Variants in THSD7B observed in about 807,000 individuals in gnomAD.
THSD7B encodes the protein thrombospondin type 1 domain containing 7B.
In THSD7B, 138 loss-of-function variants were observed where a neutral mutation model predicts 213.6. That is an observed-to-expected ratio of 0.65 (90% CI 0.56 to 0.74). The LOEUF (loss-of-function observed/expected upper bound fraction) is 0.74. THSD7B is among the 30% of genes least tolerant of loss of function. THSD7B has a pLI of 0.00. For synonymous variants in THSD7B, 742 were observed against 687.0 expected (o/e 1.08, Z -1.25); for missense variants, 1,931 against 1,991.5 (o/e 0.97, Z 0.58).
intron 17 of THSD7B, among the ~76,000 whole-genome samples, chr2:137,581,784 AAT>A (rs1383972697): frequency 9.5e-5 from 14 of 147,282 alleles, no homozygotes; most frequent in African/African-American, 2.8e-4. Flanking sequence ...AAAAAAAAAA[AAT>A]AATAATAAAT....
chr2:137,392,526 GT>G (rs1278633273), intron 12 of THSD7B, among the ~76,000 whole-genome samples: 1 of 151,910 alleles, frequency 6.6e-6, no homozygotes. Context: ...TTCATAAACT[GT>G]TTTTTATTTA....
intron 16 of THSD7B, among the ~76,000 whole-genome samples, chr2:137,564,238 G>A (rs956307696): frequency 3.9e-5 from 6 of 152,314 alleles, no homozygotes; most frequent in East Asian, 1.9e-4. Context: ...TCAGTTGCAA[G>A]GCAGAGCCTA....
intron 12 of THSD7B, among the ~76,000 whole-genome samples, chr2:137,312,718 G>C (rs879751988): frequency 6.9e-6 from 1 of 144,646 alleles, no homozygotes; most frequent in Non-Finnish European, 1.5e-5. Context: ...CTTTGTTCTC[G>C]TTGGTTTCAA....
chr2:136,927,075 T>C (rs554521341), intron 2 of THSD7B, among the ~76,000 whole-genome samples: 1 of 152,326 alleles, frequency 6.6e-6, no homozygotes, highest in East Asian at 1.9e-4. Flanking sequence ...AAAGACCTTA[T>C]GATTTGTCTT....
chr2:136,858,204 TTAAA>T (rs1347134312), intron 1 of THSD7B, among the ~76,000 whole-genome samples: 2 of 152,228 alleles, frequency 1.3e-5, no homozygotes, highest in African/African-American at 4.8e-5. Context: ...GCGATGATTA[TTAAA>T]TAAATAGCAT....
In THSD7B at chr2:136,932,789, G is replaced by A. The variant is rs190881231; in HGVS notation, c.139+50472G>A. Among the ~76,000 whole-genome samples, 448 of 152,216 alleles carry A rather than the reference G, an allele frequency of 2.9e-3. 3 individuals are homozygous for A. The highest frequency in any genetic ancestry group is 0.01 in the African/African-American group (433 of 41,532). ...ATCCACATATAAGCGGACCTGTGCA[G>A]TTAAACCTGTGTTGTTCAAGGTCAG... On this transcript the variant is annotated intron_variant, in intron 2 of 27. Coordinates refer to ENST00000409968, the MANE Select transcript of THSD7B (RefSeq NM_001316349.2).
rs1014675932 is a variant in THSD7B, at chr2:136,923,689, G to A, written c.139+41372G>A. Among the ~76,000 whole-genome samples the A allele has an allele frequency of 3.3e-5, 5 of 152,118 alleles. No homozygotes were observed. The South Asian group carries it at 6.2e-4, about 19-fold the overall frequency. On this transcript the variant is annotated intron_variant, in intron 2 of 27. Transcript: ENST00000409968. ...TGTTATCTCTTTGGTTTTGGCTTGT[G>A]TGACTCTTATGATTAGTGACCTTGA...
At chr2:136,905,221 A>T (rs1684139055) in intron 2 of THSD7B, among the ~76,000 whole-genome samples, 1 of 152,132 alleles carries the variant, frequency 6.6e-6, no homozygotes, top group African/African-American at 2.4e-5. Flanking sequence ...AATCCTACCC[A>T]ACTCTACCTT....
chr2:137,275,862 G>C lies in THSD7B; in HGVS notation c.2397-61G>C. Reference sequence around the variant, plus strand: ...TTTTTTAAACTTCAAACATATGTAAGTATTTCTTCCTCGTGTTGATCACAG... The same window carrying C: ...TTTTTTAAACTTCAAACATATGTAACTATTTCTTCCTCGTGTTGATCACAG... On this transcript the variant is annotated intron_variant, in intron 11 of 27. Transcript: ENST00000409968. 23 of 1,246,406 alleles carry C rather than the reference G, an allele frequency of 1.8e-5. No homozygotes were observed. In the South Asian group the frequency reaches 3.0e-4, roughly 16 times the overall value. 77.2% of individuals were successfully genotyped at this position (1,246,406 alleles called of 1,614,324 possible).
intron 15 of THSD7B, among the ~76,000 whole-genome samples, chr2:137,483,064 G>A (rs1346983287): frequency 1.3e-5 from 2 of 152,202 alleles, no homozygotes; most frequent in Admixed American, 6.5e-5. Flanking sequence ...GGACTGAGAT[G>A]TGTTCTCAAT....
At chr2:136,984,023 G>A (rs374703351) in intron 2 of THSD7B, among the ~76,000 whole-genome samples, 1 of 152,108 alleles carries the variant, frequency 6.6e-6, no homozygotes, top group African/African-American at 2.4e-5. Context: ...CTCTCAAATG[G>A]GGAAATATGC....
chr2:137,459,392 T>C (rs568242291), intron 15 of THSD7B, among the ~76,000 whole-genome samples: 11 of 152,202 alleles, frequency 7.2e-5, no homozygotes, highest in African/African-American at 2.4e-4. Context: ...AAAGACCCAG[T>C]GTGGTGGCTC....
chr2:137,229,660 G>A (rs1005983202), intron 7 of THSD7B, among the ~76,000 whole-genome samples: 13 of 152,152 alleles, frequency 8.5e-5, no homozygotes, highest in African/African-American at 3.1e-4. Flanking sequence ...GACACAGCAC[G>A]GTTAATGGGA....
chr2:137,549,310 CTTTTTTTTTTTTTT>C, intron 15 of THSD7B, among the ~76,000 whole-genome samples: 1 of 25,206 alleles, frequency 4.0e-5, no homozygotes, highest in East Asian at 8.9e-4. Flanking sequence ...TTCAGATGCT[CTTTTTTTTTTTTTT>C]TTTTTTTTTT....
At chr2:137,442,925 G>A (rs559169430) in intron 14 of THSD7B, among the ~76,000 whole-genome samples, 5 of 152,198 alleles carry the variant, frequency 3.3e-5, no homozygotes, top group African/African-American at 4.8e-5. Flanking sequence ...AGAATTACTC[G>A]GTAATATTGG....
intron 2 of THSD7B, among the ~76,000 whole-genome samples, chr2:136,917,357 A>G (rs1000697015): frequency 6.6e-6 from 1 of 152,200 alleles, no homozygotes; most frequent in African/African-American, 2.4e-5. Context: ...AGCAGATTTT[A>G]TTGGGTTGTT....
intron 15 of THSD7B, among the ~76,000 whole-genome samples, chr2:137,463,732 A>C (rs140181035): frequency 2.0e-5 from 3 of 152,196 alleles, no homozygotes; most frequent in African/African-American, 7.2e-5. Context: ...TAGCAGGTTT[A>C]GGGGAAAAGC....
intron 12 of THSD7B, among the ~76,000 whole-genome samples, chr2:137,284,725 A>G (rs1446543212): frequency 1.3e-5 from 2 of 152,098 alleles, no homozygotes; most frequent in Non-Finnish European, 2.9e-5. Flanking sequence ...TGAGTTTCTT[A>G]ATCCTGAGTT....
intron 7 of THSD7B, among the ~76,000 whole-genome samples, chr2:137,181,228 T>C (rs1345176652): frequency 6.6e-6 from 1 of 152,170 alleles, no homozygotes; most frequent in Non-Finnish European, 1.5e-5. Flanking sequence ...ACAAAGAAGA[T>C]AGGAGACAGC....
Sources: gnomAD v4.1 joint callset for allele counts (sites outside exome capture counted in the v4.1 genomes callset) on GRCh38, gnomAD v4.1.1 for gene constraint, MANE v1.5 for transcripts, NCBI Gene and HGNC (gene_info 2026-07-23, HGNC 2026-07-21) for gene names.